Variants in TRAPPC9 observed in about 807,000 individuals in gnomAD.
TRAPPC9 encodes trafficking protein particle complex subunit 9, also known as IKK2 binding protein.
Under a neutral mutation model 124.0 loss-of-function variants are expected in TRAPPC9, and 83 were observed. The observed-to-expected ratio is 0.67, with a 90% CI of 0.56 to 0.80. The LOEUF (loss-of-function observed/expected upper bound fraction) is 0.80. Ranked by LOEUF, TRAPPC9 falls within the 30% of genes least tolerant of loss-of-function variation. TRAPPC9 has a pLI of 0.00. For missense variants in TRAPPC9, 1,302 were observed against 1,508.3 expected (o/e 0.86, Z 2.27); for synonymous variants, 638 against 617.5 (o/e 1.03, Z -0.49).
chr8:139,736,139 G>A (rs763143716), intron 21 of TRAPPC9, among the ~76,000 whole-genome samples: 2 of 152,230 alleles, frequency 1.3e-5, no homozygotes, highest in Non-Finnish European at 2.9e-5. Context: ...CCCAGCCAGA[G>A]CGAGCACTCC....
At chr8:140,173,491 G>A (rs576656944) in intron 17 of TRAPPC9, among the ~76,000 whole-genome samples, 58 of 149,936 alleles carry the variant, frequency 3.9e-4, no homozygotes, top group African/African-American at 1.2e-3. Context: ...GACGTGGAGC[G>A]TGCAGTGAGC....
intron 17 of TRAPPC9, among the ~76,000 whole-genome samples, chr8:140,128,975 AT>A (rs1563783018): frequency 5.5e-4 from 74 of 135,082 alleles, no homozygotes; most frequent in East Asian, 2.4e-3. Context: ...ATAATAAAAT[AT>A]ATATATATAT....
chr8:140,082,030 T>C (rs748741235), intron 17 of TRAPPC9: 1 of 152,270 alleles, frequency 6.6e-6, no homozygotes, highest in Non-Finnish European at 1.5e-5. Context: ...ACACAGCATG[T>C]CTTCAAAGCA....
rs78269638 is a variant in TRAPPC9 at position 140,320,829 on chromosome 8, C to T, written c.1496-9455G>A. ...GTGAAGCTGGATCTCAAAGTCAGGC[C>T]CTCTACAAACCCTACATCTCACGAT... On this transcript the variant is annotated intron_variant, in intron 9 of 22. Coordinates refer to ENST00000438773, the MANE Select transcript of TRAPPC9 (RefSeq NM_001160372.4). 4.3e-3 allele frequency among the ~76,000 whole-genome samples: 661 copies of T among 152,250 alleles called. 6 individuals carry two copies. The highest frequency in any genetic ancestry group is 0.015 in the African/African-American group (631 of 41,540).
chr8:139,885,624 G>A (rs146582682), intron 21 of TRAPPC9, among the ~76,000 whole-genome samples: 122 of 152,350 alleles, frequency 8.0e-4, no homozygotes, highest in African/African-American at 1.2e-3. Flanking sequence ...CTGTTTCAAC[G>A]GGCGATGAGC....
chr8:140,233,654 A>ACACAC (rs1563868284), intron 16 of TRAPPC9, among the ~76,000 whole-genome samples: 91 of 38,230 alleles, frequency 2.4e-3, no homozygotes, highest in African/African-American at 7.0e-3. Context: ...CACACACATA[A>ACACAC]ACACACCCTC....
intron 21 of TRAPPC9, among the ~76,000 whole-genome samples, chr8:139,879,259 T>G (rs1233834790): frequency 6.6e-6 from 1 of 152,078 alleles, no homozygotes; most frequent in Admixed American, 6.5e-5. Flanking sequence ...AAGCCCTGGC[T>G]GGGGGTGAGG....
chr8:139,985,233 C>T (rs1837171271), intron 19 of TRAPPC9, among the ~76,000 whole-genome samples: 1 of 152,170 alleles, frequency 6.6e-6, no homozygotes, highest in Non-Finnish European at 1.5e-5. Context: ...CTCACATTGC[C>T]AAGAATGAGT....
At chr8:139,749,867 A>G (rs1223373699) in intron 21 of TRAPPC9, among the ~76,000 whole-genome samples, 1 of 152,202 alleles carries the variant, frequency 6.6e-6, no homozygotes, top group African/African-American at 2.4e-5. Flanking sequence ...GACTCTGGGC[A>G]AGGAGCTTTT....
chr8:140,291,477 TTG>T (rs1563921508), intron 11 of TRAPPC9, among the ~76,000 whole-genome samples: 1 of 152,196 alleles, frequency 6.6e-6, no homozygotes, highest in African/African-American at 2.4e-5. Flanking sequence ...TCCCCTAAGA[TTG>T]TGAGAGGGGA....
At chr8:140,085,790 G>C (rs991897966) in intron 17 of TRAPPC9, among the ~76,000 whole-genome samples, 1 of 152,208 alleles carries the variant, frequency 6.6e-6, no homozygotes, top group Non-Finnish European at 1.5e-5. Flanking sequence ...CCGATCTGGC[G>C]CGTTCCACAT....
At chr8:140,123,241 A>G (rs1309078524) in intron 17 of TRAPPC9, among the ~76,000 whole-genome samples, 1 of 150,022 alleles carries the variant, frequency 6.7e-6, no homozygotes, top group Non-Finnish European at 1.5e-5. Flanking sequence ...ATGACACCCC[A>G]CTCTCACCCA....
At chr8:140,386,296 T>C (rs949435591) in intron 7 of TRAPPC9, among the ~76,000 whole-genome samples, 19 of 152,090 alleles carry the variant, frequency 1.2e-4, no homozygotes, top group Non-Finnish European at 1.5e-4. Flanking sequence ...CTATTCAACA[T>C]AGTTGGAAGT....
At chr8:139,912,409 C>G (rs746462878) in intron 19 of TRAPPC9, among the ~76,000 whole-genome samples, 2 of 146,438 alleles carry the variant, frequency 1.4e-5, no homozygotes, top group Non-Finnish European at 3.0e-5. Flanking sequence ...GGACTCTCAG[C>G]TCTTTTCCAA....
intron 17 of TRAPPC9, among the ~76,000 whole-genome samples, chr8:140,150,376 GA>G (rs1193292337): frequency 2.0e-5 from 3 of 152,176 alleles, no homozygotes; most frequent in African/African-American, 7.2e-5. Context: ...TTGAACCCAG[GA>G]GGTAGAGGCT....
chr8:140,232,762 A>T (rs1428578366), intron 16 of TRAPPC9, among the ~76,000 whole-genome samples: 1 of 152,216 alleles, frequency 6.6e-6, no homozygotes, highest in East Asian at 1.9e-4. Flanking sequence ...ATGAACATCA[A>T]TTCCCCAAAG....
chr8:140,020,637 T>A (rs528756251), intron 18 of TRAPPC9, among the ~76,000 whole-genome samples: 4 of 152,026 alleles, frequency 2.6e-5, no homozygotes, highest in African/African-American at 7.2e-5. Flanking sequence ...AAAAAAAAAA[T>A]ACACATGTAC....
intron 15 of TRAPPC9, among the ~76,000 whole-genome samples, chr8:140,264,459 T>C (rs2131572064): frequency 6.6e-6 from 1 of 152,156 alleles, no homozygotes; most frequent in South Asian, 2.1e-4. Flanking sequence ...ATGGTTTTAA[T>C]GAAAGTATAC....
At chr8:140,209,699 T>C (rs2063009868) in intron 17 of TRAPPC9, among the ~76,000 whole-genome samples, 1 of 152,208 alleles carries the variant, frequency 6.6e-6, no homozygotes, top group African/African-American at 2.4e-5. Flanking sequence ...AGCAGAAACT[T>C]AACTCCTTAC....
Sources: allele counts gnomAD v4.1 joint callset (sites outside exome capture counted in the v4.1 genomes callset), GRCh38; gene constraint gnomAD v4.1.1; transcripts MANE v1.5; gene names NCBI Gene and HGNC (gene_info 2026-07-23, HGNC 2026-07-21).